TNFRSF19: variants seen among roughly 807,000 people sequenced by gnomAD.
The protein encoded by TNFRSF19 is tumor necrosis factor receptor superfamily member 19.
TNFRSF19 carries 27 observed loss-of-function variants against 46.4 expected under a neutral mutation model. The observed-to-expected ratio is 0.58, with a 90% CI of 0.43 to 0.80. The LOEUF (loss-of-function observed/expected upper bound fraction) is 0.80. TNFRSF19 is among the 30% of genes least tolerant of loss of function. TNFRSF19 has a pLI of 0.00. For missense variants in TNFRSF19, 511 were observed against 530.8 expected, an observed-to-expected ratio of 0.96 and a Z score of 0.37; for synonymous variants, 204 against 205.0, an observed-to-expected ratio of 1.00 and a Z score of 0.04.
chr13:23,637,536 A>C (rs575399691), intron 5 of TNFRSF19, among the ~76,000 whole-genome samples: 8 of 152,362 alleles, frequency 5.3e-5, no homozygotes, highest in African/African-American at 1.4e-4. Flanking sequence ...ATGTAAAATT[A>C]TAAGTGAATT....
chr13:23,668,901 A>T lies in TNFRSF19; in HGVS notation c.1049A>T (p.Asn350Ile). ...ELESSTSLDS[N>I]SSQDLVGGAV... ...GAAAGCTCAACGTCTTTGGATTCAA[A>T]TAGCAGTCAAGATTTGGTTGGTGGG... Residue 350 changes from asparagine (N) to isoleucine (I), a missense_variant, in exon 9 of 10, where the codon AAT (asparagine) becomes ATT (isoleucine). Around this residue, in one of 3 missense-constraint regions of TNFRSF19, gnomAD observed 376 missense variants for 372.7 expected, o/e 1.01. Coordinates refer to ENST00000248484, the MANE Select transcript of TNFRSF19 (RefSeq NM_148957.4). 1 of 1,614,264 alleles carries T rather than the reference A, an allele frequency of 6.2e-7. No homozygotes were observed. Among genetic ancestry groups the T allele is most frequent in the Non-Finnish European group, 8.5e-7 (1 of 1,180,052 alleles).
At chr13:23,597,561 C>T (rs1313898374) in intron 3 of TNFRSF19, among the ~76,000 whole-genome samples, 1 of 151,948 alleles carries the variant, frequency 6.6e-6, no homozygotes, top group Non-Finnish European at 1.5e-5. Flanking sequence ...AAGTTAAATC[C>T]CTGAATAGAC....
In TNFRSF19 at chr13:23,659,966, T is replaced by TGAG. The variant is rs147912878; in HGVS notation, c.611-382_611-380dup. 2.6e-5 allele frequency among the ~76,000 whole-genome samples: 4 copies of TGAG among 151,538 alleles called. No individual in the cohort carries two copies. The highest frequency in any genetic ancestry group is 5.9e-5 in the Non-Finnish European group (4 of 67,802). On this transcript the variant is annotated intron_variant, in intron 6 of 9. Transcript: ENST00000248484. This position sits in a 1 kb window ranked among gnomAD's most constrained non-coding sequence, Gnocchi z 4.9. ...CTCATCATCTTCATGTTGAGTGGGCTGAGGAGGAGGAGGAGGAGGGTTGGC... is the reference window on the plus strand; with the variant it reads ...CTCATCATCTTCATGTTGAGTGGGCTGAGGAGGAGGAGGAGGAGGAGGGTTGGC...
intron 8 of TNFRSF19, 146 bp downstream of exon 8, chr13:23,668,228 G>C: frequency 1.3e-6 from 1 of 773,210 alleles, no homozygotes; most frequent in Non-Finnish European, 2.0e-6. Flanking sequence ...GCAGTTCTCA[G>C]GGAAGAATTA....
chr13:23,669,857 A>G, intron 9 of TNFRSF19, among the ~76,000 whole-genome samples: 1 of 152,168 alleles, frequency 6.6e-6, no homozygotes, highest in Non-Finnish European at 1.5e-5. Flanking sequence ...ATGGGAGTGC[A>G]TGTATTGTTA....
intron 3 of TNFRSF19, among the ~76,000 whole-genome samples, chr13:23,612,779 CA>C (rs2138245971): frequency 6.6e-6 from 1 of 152,054 alleles, no homozygotes; most frequent in African/African-American, 2.4e-5. Context: ...ATTATTTTGC[CA>C]AAAAATAACC....
chr13:23,651,107 T>G (rs1024795104), intron 5 of TNFRSF19, among the ~76,000 whole-genome samples: 6 of 152,184 alleles, frequency 3.9e-5, no homozygotes, highest in Non-Finnish European at 8.8e-5. Flanking sequence ...TGAAGAGAGC[T>G]CTTTGTTAAT....
intron 2 of TNFRSF19, among the ~76,000 whole-genome samples, chr13:23,590,688 G>A (rs983343963): frequency 1.1e-4 from 17 of 152,042 alleles, no homozygotes; most frequent in East Asian, 9.6e-4. Flanking sequence ...CTTTCAAATG[G>A]CATTTTATTA....
chr13:23,589,015 CT>C (rs1879058120), intron 1 of TNFRSF19, among the ~76,000 whole-genome samples: 1 of 152,244 alleles, frequency 6.6e-6, no homozygotes, highest in South Asian at 2.1e-4. Context: ...GCTCTGCCCC[CT>C]CTGCCTCCTT....
chr13:23,651,797 T>C (rs1474048975), intron 5 of TNFRSF19, among the ~76,000 whole-genome samples: 1 of 148,356 alleles, frequency 6.7e-6, no homozygotes, highest in East Asian at 2.0e-4. Context: ...TAGAATATAC[T>C]GGTCTATACA....
intron 2 of TNFRSF19, among the ~76,000 whole-genome samples, 171 bp downstream of exon 2, chr13:23,590,423 C>T (rs1879186505): frequency 6.6e-6 from 1 of 152,164 alleles, no homozygotes; most frequent in Non-Finnish European, 1.5e-5. Flanking sequence ...TAACCTCTGC[C>T]TCCCGGGTTC....
rs188510467 is a variant in TNFRSF19, at chr13:23,574,125, T to C, written c.-35+3277T>C. On this transcript the variant is annotated intron_variant, in intron 1 of 9. Coordinates refer to ENST00000248484, the MANE Select transcript of TNFRSF19 (RefSeq NM_148957.4). ...GTGTGAAAAATTTTAATTTAGTTAC[T>C]AATAAAATTTTATACAAATACAGGA... 2.3e-4 allele frequency among the ~76,000 whole-genome samples: 34 copies of C among 150,680 alleles called. No individual in the cohort carries two copies. In the East Asian group the frequency reaches 6.1e-3, roughly 27 times the overall value.
At chr13:23,613,288 A>G (rs1226976226) in intron 3 of TNFRSF19, among the ~76,000 whole-genome samples, 2 of 152,212 alleles carry the variant, frequency 1.3e-5, no homozygotes, top group Non-Finnish European at 2.9e-5. Context: ...TTTATTCCTC[A>G]CACAACCTTT....
At chr13:23,573,527 A>G (rs1877762227) in intron 1 of TNFRSF19, among the ~76,000 whole-genome samples, 1 of 152,202 alleles carries the variant, frequency 6.6e-6, no homozygotes, top group Non-Finnish European at 1.5e-5. Context: ...ATATCAACAC[A>G]TATTTGTGTG....
chr13:23,615,098 C>G (rs1881180695), intron 3 of TNFRSF19, among the ~76,000 whole-genome samples: 2 of 152,192 alleles, frequency 1.3e-5, no homozygotes, highest in South Asian at 4.1e-4. Context: ...GTCGTGAACA[C>G]AGATCACATC....
At chr13:23,645,698 C>T (rs1883289942) in intron 5 of TNFRSF19, among the ~76,000 whole-genome samples, 1 of 152,184 alleles carries the variant, frequency 6.6e-6, no homozygotes, top group African/African-American at 2.4e-5. Context: ...ACACTGTACA[C>T]ACCTAGGTGA....
At chr13:23,668,121 T>G in intron 8 of TNFRSF19, 39 bp downstream of exon 8, 1 of 1,485,718 alleles carries the variant, frequency 6.7e-7, no homozygotes. Context: ...CATAACCCCC[T>G]GTGCAAATAT....
At chr13:23,593,309 C>A (rs758209392) in intron 2 of TNFRSF19, 36 bp from the exon 3 acceptor site, 1 of 1,342,932 alleles carries the variant, frequency 7.4e-7, no homozygotes, top group Non-Finnish European at 1.0e-6. Flanking sequence ...GTTTAACATA[C>A]TTTAAGATAA....
At chr13:23,655,098 C>T (rs1481183762) in intron 5 of TNFRSF19, among the ~76,000 whole-genome samples, 2 of 152,160 alleles carry the variant, frequency 1.3e-5, no homozygotes, top group African/African-American at 2.4e-5. Flanking sequence ...TGGTCTACTC[C>T]AAAGAAGTTC....
Sources: gnomAD v4.1 joint callset for allele counts (sites outside exome capture counted in the v4.1 genomes callset) on GRCh38, gnomAD v4.1.1 for gene constraint, gnomAD v4.1.1 regional missense constraint, Gnocchi (gnomAD v3.1) non-coding constraint, MANE v1.5 for transcripts, NCBI Gene and HGNC (gene_info 2026-07-23, HGNC 2026-07-21) for gene names.